The following PIK3C2G variants were observed in gnomAD, a reference collection of about 807,000 sequenced individuals.
The protein encoded by PIK3C2G is phosphatidylinositol-4-phosphate 3-kinase catalytic subunit type 2 gamma, also known as phosphatidylinositol 3-kinase C2 domain-containing subunit gamma.
PIK3C2G carries 168 observed loss-of-function variants against 181.1 expected under a neutral mutation model. The ratio of observed to expected loss-of-function variants is 0.93; its 90% confidence interval spans 0.82 to 1.05. The LOEUF (loss-of-function observed/expected upper bound fraction) is 1.05. Ranked by LOEUF, PIK3C2G falls within the 50% of genes least tolerant of loss-of-function variation. PIK3C2G has a pLI of 0.00. For synonymous variants in PIK3C2G, 573 were observed against 592.2 expected, an observed-to-expected ratio of 0.97 and a Z score of 0.47; for missense variants, 1,869 against 1,732.8, an observed-to-expected ratio of 1.08 and a Z score of -1.40.
chr12:18,357,354 GTTT>G (rs1940836658), intron 11 of PIK3C2G, among the ~76,000 whole-genome samples: 1 of 152,016 alleles, frequency 6.6e-6, no homozygotes, highest in Non-Finnish European at 1.5e-5. Flanking sequence ...GTACAAACAT[GTTT>G]TACATTTAAG....
chr12:18,288,500 G>A (rs963523636), intron 3 of PIK3C2G, among the ~76,000 whole-genome samples: 34 of 152,214 alleles, frequency 2.2e-4, no homozygotes, highest in East Asian at 5.8e-4. Context: ...TCAAGTTCAC[G>A]AAAATGTTCA....
intron 26 of PIK3C2G, among the ~76,000 whole-genome samples, chr12:18,562,286 C>T (rs183409155): frequency 6.6e-6 from 1 of 152,138 alleles, no homozygotes; most frequent in Non-Finnish European, 1.5e-5. Flanking sequence ...CACCCGCCAC[C>T]ACGCCCGGCT....
intron 24 of PIK3C2G, among the ~76,000 whole-genome samples, chr12:18,529,973 A>G (rs954479434): frequency 2.0e-5 from 3 of 152,160 alleles, no homozygotes; most frequent in African/African-American, 7.2e-5. Flanking sequence ...ACAGCAGCCA[A>G]GGGCTCTAAG....
intron 18 of PIK3C2G, among the ~76,000 whole-genome samples, chr12:18,439,898 T>C (rs1946651020): frequency 6.6e-6 from 1 of 152,080 alleles, no homozygotes; most frequent in South Asian, 2.1e-4. Flanking sequence ...GTTTATTTTA[T>C]TATCAACTGG....
At chr12:18,615,695 T>C (rs1291412135) in intron 31 of PIK3C2G, among the ~76,000 whole-genome samples, 1 of 152,046 alleles carries the variant, frequency 6.6e-6, no homozygotes, top group East Asian at 1.9e-4. Flanking sequence ...TAGTTTCTTT[T>C]AGATTACTTT....
chr12:18,441,164 T>C (rs993315460), intron 18 of PIK3C2G, among the ~76,000 whole-genome samples: 6 of 152,108 alleles, frequency 3.9e-5, no homozygotes, highest in African/African-American at 1.4e-4. Flanking sequence ...ATCACCTGTG[T>C]CAAATGCTAC....
intron 1 of PIK3C2G, among the ~76,000 whole-genome samples, chr12:18,249,929 T>A (rs1359167496): frequency 2.0e-5 from 3 of 150,126 alleles, no homozygotes; most frequent in Admixed American, 1.3e-4. Flanking sequence ...AGTTCCTTTT[T>A]AAAAAAAAAA....
At chr12:18,250,312 G>A (rs1948083051) in intron 1 of PIK3C2G, among the ~76,000 whole-genome samples, 1 of 152,010 alleles carries the variant, frequency 6.6e-6, no homozygotes, top group Non-Finnish European at 1.5e-5. Context: ...CAGTATAGCG[G>A]TCGAAAAACA....
intron 18 of PIK3C2G, among the ~76,000 whole-genome samples, chr12:18,487,096 TTGTGTG>T (rs35440588): frequency 5.6e-4 from 80 of 142,200 alleles, no homozygotes; most frequent in African/African-American, 9.2e-4. Context: ...TTGAGGTATT[TTGTGTG>T]TGTGTGTGTG....
intron 31 of PIK3C2G, among the ~76,000 whole-genome samples, chr12:18,621,610 A>G (rs1948868510): frequency 6.6e-6 from 1 of 151,752 alleles, no homozygotes; most frequent in Non-Finnish European, 1.5e-5. Context: ...ATATGTATAT[A>G]ACAAGATTAT....
At chr12:18,417,092 T>C (rs1432238932) in intron 16 of PIK3C2G, among the ~76,000 whole-genome samples, 1 of 152,062 alleles carries the variant, frequency 6.6e-6, no homozygotes, top group Non-Finnish European at 1.5e-5. Flanking sequence ...TAGATGACAG[T>C]AAGGGGTTCA....
the PIK3C2G span, among the ~76,000 whole-genome samples, chr12:18,691,961 C>G: frequency 1.3e-5 from 2 of 152,158 alleles, no homozygotes; most frequent in South Asian, 2.1e-4. Context: ...TCCTCCCATT[C>G]TCAGCTGAGA....
At chr12:18,645,248 C>T (rs899432297) in intron 32 of PIK3C2G, among the ~76,000 whole-genome samples, 2 of 152,006 alleles carry the variant, frequency 1.3e-5, no homozygotes, top group Non-Finnish European at 2.9e-5. Context: ...CTCTGTACTT[C>T]GCTAACATTA....
intron 15 of PIK3C2G, among the ~76,000 whole-genome samples, chr12:18,392,143 T>C (rs554749475): frequency 2.0e-5 from 3 of 152,144 alleles, no homozygotes; most frequent in Non-Finnish European, 4.4e-5. Flanking sequence ...TGGATATTCA[T>C]AGAAGTGGCT....
intron 18 of PIK3C2G, among the ~76,000 whole-genome samples, chr12:18,464,535 C>T (rs937753946): frequency 6.6e-6 from 1 of 152,076 alleles, no homozygotes; most frequent in Non-Finnish European, 1.5e-5. Context: ...TTGACAACTC[C>T]TATATGACCT....
intron 24 of PIK3C2G, among the ~76,000 whole-genome samples, chr12:18,507,130 A>C (rs1472950199): frequency 6.6e-6 from 1 of 151,944 alleles, no homozygotes; most frequent in East Asian, 1.9e-4. Context: ...CCTGGGTTCA[A>C]GCGATTCTCC....
At chr12:18,465,880 G>C (rs1592329788) in intron 18 of PIK3C2G, among the ~76,000 whole-genome samples, 1 of 151,442 alleles carries the variant, frequency 6.6e-6, no homozygotes, top group South Asian at 2.1e-4. Flanking sequence ...TTATTTCCCT[G>C]TTCTGCTTCT....
the PIK3C2G span, chr12:18,688,198 C>T: frequency 6.2e-7 from 1 of 1,609,670 alleles, no homozygotes; most frequent in South Asian, 1.1e-5. Context: ...GAGTAAGAGG[C>T]AACTGGATAC....
chr12:18,407,692 T>A (rs1944616784), intron 16 of PIK3C2G, among the ~76,000 whole-genome samples: 1 of 152,116 alleles, frequency 6.6e-6, no homozygotes, highest in South Asian at 2.1e-4. Flanking sequence ...ACCAAACCTT[T>A]CTTCAAAGGA....
Sources: gnomAD v4.1 joint callset for allele counts (sites outside exome capture counted in the v4.1 genomes callset) on GRCh38, gnomAD v4.1.1 for gene constraint, MANE v1.5 for transcripts, NCBI Gene and HGNC (gene_info 2026-07-23, HGNC 2026-07-21) for gene names.